LRPPRC: variants seen among roughly 807,000 people sequenced by gnomAD.
The protein encoded by LRPPRC is leucine-rich PPR motif-containing protein, mitochondrial.
A neutral mutation model predicts 180.3 loss-of-function variants in LRPPRC; 120 were observed. That is an observed-to-expected ratio of 0.67 (90% CI 0.57 to 0.77). The LOEUF (loss-of-function observed/expected upper bound fraction) is 0.77. LRPPRC is among the 30% of genes least tolerant of loss of function. LRPPRC has a pLI of 0.00. For synonymous variants in LRPPRC, 723 were observed against 600.0 expected (o/e 1.21, Z -3.00); for missense variants, 2,012 against 1,657.2 (o/e 1.21, Z -3.72).
intron 25 of LRPPRC, among the ~76,000 whole-genome samples, chr2:43,930,751 T>C (rs951707701): frequency 6.6e-6 from 1 of 152,198 alleles, no homozygotes; most frequent in Non-Finnish European, 1.5e-5. Context: ...AATGTTGTTA[T>C]GTCTTTAAGG....
At chr2:43,941,633 T>A (rs1437520904) in intron 23 of LRPPRC, among the ~76,000 whole-genome samples, 1 of 152,050 alleles carries the variant, frequency 6.6e-6, no homozygotes, top group Non-Finnish European at 1.5e-5. Flanking sequence ...AAAACACAAT[T>A]GAGAAAGAGT....
chr2:43,959,959 CT>C (rs1484316846), intron 13 of LRPPRC, among the ~76,000 whole-genome samples: 1 of 152,192 alleles, frequency 6.6e-6, no homozygotes, highest in African/African-American at 2.4e-5. Context: ...CATCTTACTT[CT>C]GGTTCAAATC....
chr2:43,974,014 T>G (rs1387852402), intron 9 of LRPPRC, 114 bp from the exon 10 acceptor site: 1 of 1,148,506 alleles, frequency 8.7e-7, no homozygotes, highest in Admixed American at 1.7e-5. Flanking sequence ...ATCCTCTTTC[T>G]ACCCAAAAAT....
chr2:43,927,001 G>C (rs1020704735), intron 25 of LRPPRC, among the ~76,000 whole-genome samples: 9 of 152,080 alleles, frequency 5.9e-5, no homozygotes, highest in African/African-American at 1.7e-4. Flanking sequence ...CAATAAGTCT[G>C]GCTTCAAAGC....
At chr2:43,970,372 G>A (rs1366822099) in intron 11 of LRPPRC, among the ~76,000 whole-genome samples, 1 of 152,096 alleles carries the variant, frequency 6.6e-6, no homozygotes, top group Non-Finnish European at 1.5e-5. Context: ...AGCAGACAAA[G>A]AAAGATATTC....
In LRPPRC at chr2:43,925,102, C is replaced by T. The variant is rs863224060; in HGVS notation, c.2861G>A (p.Arg954Lys). 3 of 1,600,616 alleles carry T rather than the reference C, an allele frequency of 1.9e-6. No homozygotes were observed. The highest frequency in any genetic ancestry group is 2.6e-6 in the Non-Finnish European group (3 of 1,167,788). Residue 954 changes from arginine to lysine, a missense_variant, in exon 27 of 38, where the codon AGA (arginine) becomes AAA (lysine). Coordinates refer to ENST00000260665, the MANE Select transcript of LRPPRC (RefSeq NM_133259.4). The stretch of plus-strand genomic sequence containing the variant: ...TAGCAGATTGTAGTACATCTGGTCT[C>T]TATCACATTCAAATAGCTTCTGTGT... ...ELTQKLFECD[R>K]DQMYYNLLKL... is the part of the protein sequence containing the mutation.
chr2:43,968,342 G>A (rs1382576538), intron 11 of LRPPRC, among the ~76,000 whole-genome samples: 22 of 152,128 alleles, frequency 1.4e-4, no homozygotes, highest in Non-Finnish European at 2.1e-4. Context: ...AGCACTTAAT[G>A]AATAATTTTC....
At chr2:43,977,632 C>T (rs950837263) in intron 3 of LRPPRC, among the ~76,000 whole-genome samples, 1 of 152,174 alleles carries the variant, frequency 6.6e-6, no homozygotes, top group African/African-American at 2.4e-5. Flanking sequence ...ATTACAGACA[C>T]ACTGTGAAGA....
At position 43,901,505 on chromosome 2, in the gene LRPPRC, T is replaced by G; in HGVS notation, c.3384A>C (p.Lys1128Asn). The G allele has an allele frequency of 6.2e-7, 1 of 1,612,884 alleles. No homozygotes were observed. Reference sequence around the variant, plus strand: ...GGGTCTGCTGCTGATCCAATACTGTTTTCAGTGTTGTCACAGCCTCTAAAA... The same window carrying G: ...GGGTCTGCTGCTGATCCAATACTGTGTTCAGTGTTGTCACAGCCTCTAAAA... ...DYLKEAVTTL[K>N]TVLDQQQTPS... Residue 1128 changes from lysine to asparagine, a missense_variant, in exon 32 of 38, where the codon AAA (lysine) becomes AAC (asparagine). Physicochemically the swap from Lys to Asn is moderately conservative, Grantham distance 94. Transcript: ENST00000260665.
At chr2:43,904,089 C>T (rs1025204133) in intron 31 of LRPPRC, among the ~76,000 whole-genome samples, 1 of 152,020 alleles carries the variant, frequency 6.6e-6, no homozygotes, top group African/African-American at 2.4e-5. Flanking sequence ...ACTACAGGTG[C>T]ACATTACCAT....
At chr2:43,984,570 A>T (rs1458271367) in intron 1 of LRPPRC, among the ~76,000 whole-genome samples, 1 of 152,244 alleles carries the variant, frequency 6.6e-6, no homozygotes, top group East Asian at 1.9e-4. Flanking sequence ...GAAGGATTAC[A>T]TATTTAACCA....
intron 25 of LRPPRC, among the ~76,000 whole-genome samples, chr2:43,926,686 T>C (rs1190370697): frequency 2.0e-5 from 3 of 152,220 alleles, no homozygotes; most frequent in African/African-American, 7.2e-5. Context: ...CTTTCTCATT[T>C]ACACGCTCTC....
At chr2:43,996,004 G>C (rs1163917455), upstream of LRPPRC, 1 of 1,510,708 alleles carries the variant, frequency 6.6e-7, no homozygotes, top group African/African-American at 1.4e-5. Context: ...GGAGGAGCAT[G>C]TGACCGCAGG....
intron 1 of LRPPRC, among the ~76,000 whole-genome samples, chr2:43,989,264 T>C (rs906058483): frequency 6.6e-6 from 1 of 152,234 alleles, no homozygotes. Flanking sequence ...TTATGCTTTA[T>C]GGTAAATCAC....
intron 23 of LRPPRC, among the ~76,000 whole-genome samples, chr2:43,942,221 T>C (rs1329267955): frequency 6.6e-6 from 1 of 152,186 alleles, no homozygotes; most frequent in African/African-American, 2.4e-5. Context: ...TTGTTAATTA[T>C]TTTATTTTTG....
rs937885924 is a variant in LRPPRC, at chr2:43,923,693, G to A, written c.2896+1374C>T. On this transcript the variant is annotated intron_variant, in intron 27 of 37. Transcript: ENST00000260665. ...ACCACAATGTCTAGCACACAGTAAG[G>A]GCTTCATAGTTTTTTTTTTTTTTTT... 9.2e-5 allele frequency among the ~76,000 whole-genome samples: 14 copies of A among 151,858 alleles called. No individual in the cohort carries two copies. In the South Asian group the frequency reaches 1.5e-3, roughly 16 times the overall value.
At chr2:43,924,971 G>C (rs1380116750) in intron 27 of LRPPRC, 96 bp downstream of exon 27, 2 of 787,294 alleles carry the variant, frequency 2.5e-6, no homozygotes, top group Non-Finnish European at 2.3e-6. Flanking sequence ...ACTGCCTTCT[G>C]ACAATCCCTG....
intron 35 of LRPPRC, among the ~76,000 whole-genome samples, chr2:43,895,919 ATTTT>A (rs1341536920): frequency 6.6e-6 from 1 of 151,968 alleles, no homozygotes; most frequent in African/African-American, 2.4e-5. Context: ...ACCCACAGAA[ATTTT>A]TTTTTAAAAA....
intron 34 of LRPPRC, among the ~76,000 whole-genome samples, chr2:43,898,857 G>A (rs1180984356): frequency 3.9e-5 from 6 of 152,122 alleles, no homozygotes; most frequent in Admixed American, 2.0e-4. Context: ...TAGCGCATTT[G>A]AGAAATTAAA....
Sources: gnomAD v4.1 joint callset for allele counts (sites outside exome capture counted in the v4.1 genomes callset) on GRCh38, gnomAD v4.1.1 for gene constraint, MANE v1.5 for transcripts, NCBI Gene and HGNC (gene_info 2026-07-23, HGNC 2026-07-21) for gene names.